The following UHRF2 variants were observed in gnomAD, a reference collection of about 807,000 sequenced individuals.
The protein encoded by UHRF2 is E3 ubiquitin-protein ligase UHRF2.
In UHRF2, 23 loss-of-function variants were observed where a neutral mutation model predicts 96.8. The ratio of observed to expected loss-of-function variants is 0.24; its 90% CI spans 0.17 to 0.34. The LOEUF (loss-of-function observed/expected upper bound fraction) is 0.34. Ranked by LOEUF, UHRF2 falls within the 10% of genes least tolerant of loss-of-function variation. The pLI is 1.00. For missense variants in UHRF2, 685 were observed against 981.5 expected (o/e 0.70, Z 4.04); for synonymous variants, 385 against 332.6 (o/e 1.16, Z -1.72).
intron 8 of UHRF2, among the ~76,000 whole-genome samples, chr9:6,486,500 G>A (rs1015248893): frequency 1.3e-5 from 2 of 152,200 alleles, no homozygotes; most frequent in Admixed American, 6.5e-5. Flanking sequence ...GCTGAGTTGA[G>A]CTGGAAGTTC....
chr9:6,458,075 A>G (rs1822294702), intron 3 of UHRF2, among the ~76,000 whole-genome samples: 4 of 152,196 alleles, frequency 2.6e-5, no homozygotes, highest in Admixed American at 2.0e-4. Flanking sequence ...TAGTTTCAGA[A>G]GAAATGGTAC....
intron 14 of UHRF2, among the ~76,000 whole-genome samples, chr9:6,501,550 T>G (rs996708868): frequency 2.0e-5 from 3 of 152,226 alleles, no homozygotes; most frequent in Admixed American, 6.5e-5. Flanking sequence ...TTAAATATGA[T>G]TTTTAAACTT....
chr9:6,474,575 G>A (rs967093822), intron 4 of UHRF2, among the ~76,000 whole-genome samples: 3 of 152,112 alleles, frequency 2.0e-5, no homozygotes, highest in Non-Finnish European at 2.9e-5. Flanking sequence ...GTATGGTGGC[G>A]CAGGCCTGTA....
chr9:6,465,659 A>T (rs565765111), intron 4 of UHRF2, among the ~76,000 whole-genome samples: 49 of 152,100 alleles, frequency 3.2e-4, no homozygotes, highest in Non-Finnish European at 6.3e-4. Flanking sequence ...TGACTTTTTG[A>T]CCATTCTCAT....
chr9:6,426,877 T>C (rs1820289162), intron 2 of UHRF2, among the ~76,000 whole-genome samples: 1 of 152,034 alleles, frequency 6.6e-6, no homozygotes, highest in Non-Finnish European at 1.5e-5. Context: ...GTCTCTTGAG[T>C]AGTTGGGATT....
intron 9 of UHRF2, among the ~76,000 whole-genome samples, chr9:6,488,540 CTTTTTTTTTT>C (rs58280407): frequency 6.3e-4 from 53 of 83,814 alleles, no homozygotes; most frequent in South Asian, 1.9e-3. Flanking sequence ...TTTTTCTTTT[CTTTTTTTTTT>C]TTTTTTTTTT....
intron 2 of UHRF2, among the ~76,000 whole-genome samples, chr9:6,427,867 A>C (rs1480690154): frequency 3.3e-5 from 5 of 152,192 alleles, no homozygotes; most frequent in Non-Finnish European, 7.3e-5. Context: ...CCATCCATTC[A>C]CATTATATGT....
chr9:6,468,569 G>A, intron 4 of UHRF2: 1 of 456,076 alleles, frequency 2.2e-6, no homozygotes, highest in South Asian at 1.5e-5. Context: ...ATCTAGTTCA[G>A]AGCAGCTAGG....
At chr9:6,453,209 A>G (rs909736471) in intron 3 of UHRF2, among the ~76,000 whole-genome samples, 3 of 152,214 alleles carry the variant, frequency 2.0e-5, no homozygotes, top group African/African-American at 7.2e-5. Flanking sequence ...CCCTGTCTCC[A>G]TATAAACATA....
At chr9:6,435,739 T>A (rs985466023) in intron 3 of UHRF2, among the ~76,000 whole-genome samples, 2 of 152,100 alleles carry the variant, frequency 1.3e-5, no homozygotes, top group Non-Finnish European at 2.9e-5. Context: ...CCTGAGTAGC[T>A]GGGGGCTACA....
intron 3 of UHRF2, among the ~76,000 whole-genome samples, chr9:6,454,846 G>C (rs1489219830): frequency 6.6e-6 from 1 of 152,206 alleles, no homozygotes; most frequent in East Asian, 1.9e-4. Context: ...CTATGGCACA[G>C]TGGGTTTTTA....
intron 4 of UHRF2, among the ~76,000 whole-genome samples, chr9:6,471,398 TACTC>T: frequency 6.6e-6 from 1 of 152,354 alleles, no homozygotes. Flanking sequence ...TGCTTACTAA[TACTC>T]ACCCTCATGT....
chr9:6,426,789 G>T (rs1050642648), intron 2 of UHRF2, among the ~76,000 whole-genome samples: 2 of 151,994 alleles, frequency 1.3e-5, no homozygotes, highest in Non-Finnish European at 2.9e-5. Context: ...TCTCTTTGTT[G>T]CCCAGGCTGG....
chr9:6,436,377 T>TCC (rs1820849823), intron 3 of UHRF2, among the ~76,000 whole-genome samples: 1 of 152,148 alleles, frequency 6.6e-6, no homozygotes, highest in African/African-American at 2.4e-5. Flanking sequence ...AGAACTGAAC[T>TCC]GAGGCTGGGG....
intron 4 of UHRF2, among the ~76,000 whole-genome samples, chr9:6,474,444 G>T (rs971402709): frequency 6.6e-6 from 1 of 152,174 alleles, no homozygotes; most frequent in African/African-American, 2.4e-5. Flanking sequence ...GGTAACTCAT[G>T]CCTGTAATCC....
chr9:6,458,607 C>G (rs546880238), intron 3 of UHRF2, among the ~76,000 whole-genome samples: 1 of 152,186 alleles, frequency 6.6e-6, no homozygotes, highest in East Asian at 1.9e-4. Flanking sequence ...AATAGGAACG[C>G]TTTTATACTG....
chr9:6,417,150 C>G (rs1018232715), intron 1 of UHRF2, among the ~76,000 whole-genome samples: 5 of 152,084 alleles, frequency 3.3e-5, no homozygotes, highest in East Asian at 1.9e-4. Context: ...GAATGACTTC[C>G]CACTGCCCTC....
In UHRF2 at chr9:6,472,765, T is replaced by C. The variant is rs568659816; in HGVS notation, c.864-2626T>C. 2.0e-5 allele frequency among the ~76,000 whole-genome samples: 3 copies of C among 152,350 alleles called. No homozygotes were observed. In the South Asian group the frequency reaches 6.2e-4, roughly 32 times the overall value. ...TAAAGTGTTTTCAGTAATTGACAGC[T>C]GGCAACAATGTCTTGCGTGTAATGT... is the stretch of plus-strand genomic sequence containing the variant. On this transcript the variant is annotated intron_variant, in intron 4 of 15. Coordinates refer to ENST00000276893, the MANE Select transcript of UHRF2 (RefSeq NM_152896.3).
At chr9:6,424,641 A>G (rs552208073) in intron 2 of UHRF2, among the ~76,000 whole-genome samples, 3 of 152,086 alleles carry the variant, frequency 2.0e-5, no homozygotes, top group African/African-American at 7.2e-5. Flanking sequence ...AGTGTGGTGT[A>G]TTTGTTGAAA....
Sources: gnomAD v4.1 joint callset for allele counts (sites outside exome capture counted in the v4.1 genomes callset) on GRCh38, gnomAD v4.1.1 for gene constraint, MANE v1.5 for transcripts, NCBI Gene and HGNC (gene_info 2026-07-23, HGNC 2026-07-21) for gene names.